Variants in KIF26B observed in about 807,000 individuals in gnomAD.
KIF26B encodes kinesin-like protein KIF26B.
Under a neutral mutation model 151.2 loss-of-function variants are expected in KIF26B, and 63 were observed. The observed-to-expected ratio is 0.42, with a 90% CI of 0.34 to 0.51. The LOEUF is 0.51. KIF26B is among the 20% of genes least tolerant of loss of function. The pLI is 0.07. For synonymous variants in KIF26B, 1,357 were observed against 1,262.1 expected, an observed-to-expected ratio of 1.08 and a Z score of -1.59; for missense variants, 2,813 against 2,913.6, an observed-to-expected ratio of 0.97 and a Z score of 0.79.
At chr1:245,701,488 G>C (rs1274997826) in intron 14 of KIF26B, among the ~76,000 whole-genome samples, 1 of 152,120 alleles carries the variant, frequency 6.6e-6, no homozygotes, top group African/African-American at 2.4e-5. Context: ...CTGGTTAACT[G>C]TGTCAGCCTC....
In KIF26B at chr1:245,156,169, C is replaced by A. The variant is rs1668427720; in HGVS notation, c.64-113C>A. On this transcript the variant is annotated intron_variant, in intron 1 of 14. Coordinates refer to ENST00000407071, the MANE Select transcript of KIF26B (RefSeq NM_018012.4). ...CCGCAGGGCTTGGAGAGGTCCCCAA[C>A]CGACTCCCGTGGGCGGTTCGAGCGG... 3.5e-6 allele frequency: 5 copies of A among 1,439,778 alleles called. No homozygotes were observed. The South Asian group carries it at 7.1e-5, about 21-fold the overall frequency. 89.2% of individuals were successfully genotyped at this position (1,439,778 alleles called of 1,614,324 possible).
chr1:245,647,881 A>G (rs1402403993), intron 10 of KIF26B, among the ~76,000 whole-genome samples: 2 of 152,234 alleles, frequency 1.3e-5, no homozygotes, highest in Non-Finnish European at 2.9e-5. Context: ...TCCTAGTTGG[A>G]TAAACCCAGA....
chr1:245,197,233 G>A (rs1314328959), intron 2 of KIF26B, among the ~76,000 whole-genome samples: 5 of 152,126 alleles, frequency 3.3e-5, no homozygotes, highest in Admixed American at 2.0e-4. Context: ...TTCTATTCTT[G>A]TAATCCTCTT....
intron 4 of KIF26B, among the ~76,000 whole-genome samples, chr1:245,497,600 A>T (rs569563114): frequency 6.6e-6 from 1 of 152,356 alleles, no homozygotes; most frequent in African/African-American, 2.4e-5. Context: ...TGAAATGATG[A>T]AAATTTTACA....
intron 2 of KIF26B, among the ~76,000 whole-genome samples, chr1:245,302,480 G>A (rs922622231): frequency 6.6e-6 from 1 of 152,150 alleles, no homozygotes; most frequent in Non-Finnish European, 1.5e-5. Flanking sequence ...TATATTGTTT[G>A]GATAGAGTGC....
In KIF26B at chr1:245,686,613, C is replaced by T; in HGVS notation, c.3630C>T (p.Ile1210=). 1 of 1,611,422 alleles carries T rather than the reference C, an allele frequency of 6.2e-7. No individual in the cohort carries two copies. Among genetic ancestry groups the T allele is most frequent in the Non-Finnish European group, 8.5e-7 (1 of 1,179,172 alleles). Residue 1210 remains isoleucine (I), a synonymous_variant, in exon 12 of 15, where the codon ATC becomes ATT. Coordinates refer to ENST00000407071, the MANE Select transcript of KIF26B (RefSeq NM_018012.4). The surrounding 1 kb of genome is among the most constrained non-coding windows in gnomAD (Gnocchi z 5.6). ...GVLDSGRPTS[I]ISFNSDCSAR... ...TGGACAGCGGCCGCCCCACCAGCAT[C>T]ATCAGCTTCAACAGCGACTGCTCTG...
intron 5 of KIF26B, among the ~76,000 whole-genome samples, chr1:245,571,381 C>A (rs1322883801): frequency 6.6e-6 from 1 of 152,166 alleles, no homozygotes; most frequent in Non-Finnish European, 1.5e-5. Flanking sequence ...GTTATTTGGT[C>A]CCTAGATCAA....
chr1:245,692,848 C>T (rs2044644982), intron 12 of KIF26B, among the ~76,000 whole-genome samples: 1 of 152,052 alleles, frequency 6.6e-6, no homozygotes, highest in African/African-American at 2.4e-5. Context: ...CCTTGCCAGC[C>T]CCTCTATGGT....
chr1:245,180,230 T>C (rs1668880868), intron 2 of KIF26B, among the ~76,000 whole-genome samples: 1 of 152,080 alleles, frequency 6.6e-6, no homozygotes, highest in Admixed American at 6.5e-5. Flanking sequence ...TTTCTAAGAG[T>C]AGGAGAGACT....
rs751811429 is a variant in KIF26B at position 245,686,547 on chromosome 1, G to C, written c.3564G>C (p.Leu1188=). The change falls in exon 12 of 15, where the codon CTG becomes CTC. Residue 1188 remains leucine, a synonymous_variant. Coordinates refer to ENST00000407071, the MANE Select transcript of KIF26B (RefSeq NM_018012.4). This position sits in a 1 kb window ranked among gnomAD's most constrained non-coding sequence, Gnocchi z 5.6. The stretch of plus-strand genomic sequence containing the variant: ...TGGAGCTGAACGGTGAGGACGAGCT[G>C]GTGTTCACGCTGGTGGAGGAGCTGA... The part of the protein sequence containing the change: ...QPLELNGEDE[L]VFTLVEELTI... The C allele has an allele frequency of 1.9e-6, 3 of 1,613,028 alleles. No individual in the cohort carries two copies. The highest frequency in any genetic ancestry group is 1.3e-5 in the African/African-American group (1 of 74,932).
chr1:245,471,259 T>C (rs1659907547), intron 4 of KIF26B, among the ~76,000 whole-genome samples: 1 of 151,776 alleles, frequency 6.6e-6, no homozygotes, highest in African/African-American at 2.4e-5. Context: ...GCCTCCCGAG[T>C]AGCTGGGATT....
chr1:245,514,609 A>C (rs1178646438), intron 4 of KIF26B, among the ~76,000 whole-genome samples: 1 of 152,266 alleles, frequency 6.6e-6, no homozygotes, highest in East Asian at 1.9e-4. Flanking sequence ...AATTAAAATA[A>C]ATTTGGAGAA....
intron 11 of KIF26B, among the ~76,000 whole-genome samples, chr1:245,684,813 C>A (rs961869155): frequency 6.6e-6 from 1 of 152,220 alleles, no homozygotes; most frequent in Admixed American, 6.5e-5. Context: ...GCTCTCAGGG[C>A]CCCTCCCCTG....
chr1:245,612,275 T>C (rs72762890), intron 9 of KIF26B, among the ~76,000 whole-genome samples: 13,184 of 152,064 alleles, frequency 0.087, 663 homozygotes, highest in South Asian at 0.12. Flanking sequence ...CACACCTAGC[T>C]ATTTATTTGG....
chr1:245,582,016 G>A (rs2043180379), intron 5 of KIF26B, among the ~76,000 whole-genome samples: 1 of 152,148 alleles, frequency 6.6e-6, no homozygotes, highest in African/African-American at 2.4e-5. Flanking sequence ...GAACAGTGTG[G>A]AGTAACTGCC....
At chr1:245,259,306 A>G (rs6428907) in intron 2 of KIF26B, among the ~76,000 whole-genome samples, 89,430 of 151,570 alleles carry the variant, frequency 0.59, 27,611 homozygotes, top group African/African-American at 0.78. Flanking sequence ...AGTAATCATG[A>G]TATCCAATGT....
intron 10 of KIF26B, among the ~76,000 whole-genome samples, chr1:245,661,794 C>G (rs201957557): frequency 3.7e-4 from 6 of 16,048 alleles, no homozygotes; most frequent in Non-Finnish European, 7.5e-4. Flanking sequence ...TACACATACA[C>G]ACACACAATA....
chr1:245,379,896 G>T (rs1226086423), intron 3 of KIF26B, among the ~76,000 whole-genome samples: 4 of 151,604 alleles, frequency 2.6e-5, no homozygotes, highest in African/African-American at 9.7e-5. Flanking sequence ...GCTTGAACCC[G>T]GGCGGCAGAG....
At chr1:245,524,716 G>GT (rs1661200554) in intron 4 of KIF26B, among the ~76,000 whole-genome samples, 1 of 152,150 alleles carries the variant, frequency 6.6e-6, no homozygotes, top group Non-Finnish European at 1.5e-5. Context: ...GTCTAAGGCA[G>GT]TTAGGTAAAT....
Sources: gnomAD v4.1 joint callset for allele counts (sites outside exome capture counted in the v4.1 genomes callset) on GRCh38, gnomAD v4.1.1 for gene constraint, Gnocchi (gnomAD v3.1) non-coding constraint, MANE v1.5 for transcripts, NCBI Gene and HGNC (gene_info 2026-07-23, HGNC 2026-07-21) for gene names.